The following MAP4K1 variants were observed in gnomAD, a reference collection of about 807,000 sequenced individuals.
MAP4K1 encodes the protein mitogen-activated protein kinase kinase kinase kinase 1, also known as MAPK/ERK kinase kinase kinase 1.
A neutral mutation model predicts 122.8 loss-of-function variants in MAP4K1; 35 were observed. The ratio of observed to expected loss-of-function variants is 0.29; its 90% CI spans 0.22 to 0.38. The LOEUF (loss-of-function observed/expected upper bound fraction) is 0.38. Ranked by LOEUF, MAP4K1 falls within the 10% of genes least tolerant of loss-of-function variation. The pLI is 1.00. For missense variants in MAP4K1, 791 were observed against 1,072.6 expected, an observed-to-expected ratio of 0.74 and a Z score of 3.67; for synonymous variants, 412 against 421.3, an observed-to-expected ratio of 0.98 and a Z score of 0.27.
intron 13 of MAP4K1, 52 bp from the exon 14 acceptor site, chr19:38,608,222 C>G (rs769700375): frequency 2.4e-6 from 2 of 850,918 alleles, no homozygotes. Context: ...CAAGGGGTAA[C>G]GAGATGGGTT....
intron 26 of MAP4K1, 71 bp from the exon 27 acceptor site, chr19:38,596,072 CA>C: frequency 6.6e-7 from 1 of 1,504,292 alleles, no homozygotes; most frequent in Non-Finnish European, 9.2e-7. Flanking sequence ...CCCAGAAGGC[CA>C]GTACCTGTGC....
chr19:38,602,876 A>C (rs957642631), intron 19 of MAP4K1, among the ~76,000 whole-genome samples: 1 of 149,256 alleles, frequency 6.7e-6, no homozygotes, highest in African/African-American at 2.4e-5. Flanking sequence ...ACATGTACAT[A>C]TATACTTATA....
Position 38,605,473 on chromosome 19 carries a change from G to C in MAP4K1, c.1382C>G (p.Pro461Arg). The C allele has an allele frequency of 6.3e-7, 1 of 1,593,704 alleles. No individual in the cohort carries two copies. Among genetic ancestry groups the C allele is most frequent in the Non-Finnish European group, 8.5e-7 (1 of 1,171,928 alleles). ...GGGCTTGTCAAGCTCCCGGGAGGGTGGGTTCCAGAGTGAGGGTTCTGAGAG... is the reference window on the plus strand; with the variant it reads ...GGGCTTGTCAAGCTCCCGGGAGGGTCGGTTCCAGAGTGAGGGTTCTGAGAG... ...TAHSEPSLWNPPSRELDKPPL... is the reference protein window; with the variant it reads ...TAHSEPSLWNRPSRELDKPPL... The change falls in exon 19 of 31, where the codon CCA becomes CGA. Residue 461 changes from proline (P) to arginine (R), a missense_variant. Pro to Arg is a moderately radical substitution (Grantham distance 103, BLOSUM62 -2). Coordinates refer to ENST00000396857, the MANE Select transcript of MAP4K1 (RefSeq NM_001042600.3).
chr19:38,591,083 G>A (rs888726512), intron 30 of MAP4K1, among the ~76,000 whole-genome samples: 5 of 152,028 alleles, frequency 3.3e-5, no homozygotes, highest in South Asian at 2.1e-4. Flanking sequence ...CCAGCTACTC[G>A]GGAGGCTGAG....
chr19:38,602,958 A>G (rs1230776293), intron 19 of MAP4K1, among the ~76,000 whole-genome samples: 1 of 100,258 alleles, frequency 1.0e-5, no homozygotes, highest in Non-Finnish European at 1.9e-5. Context: ...ATATACACAC[A>G]TATACACATG....
intron 19 of MAP4K1, among the ~76,000 whole-genome samples, chr19:38,603,215 T>C (rs1436845616): frequency 1.3e-5 from 2 of 148,606 alleles, no homozygotes; most frequent in South Asian, 4.3e-4. Context: ...CATACATATA[T>C]ACACATATAC....
intron 11 of MAP4K1, among the ~76,000 whole-genome samples, chr19:38,610,690 G>A (rs890975064): frequency 6.6e-6 from 1 of 151,896 alleles, no homozygotes; most frequent in African/African-American, 2.4e-5. Flanking sequence ...CCAGCCGACC[G>A]GTGGGAGTCT....
At position 38,590,373 on chromosome 19, in the gene MAP4K1, G is replaced by GAAAA. The variant is rs1164261721; in HGVS notation, c.2397-2560_2397-2557dup. ...AAGTGCCACCTATGATCTTGGACCAGAAAAAAAAAAAAAAAAAAAAAATAT... is the reference window on the plus strand; with the variant it reads ...AAGTGCCACCTATGATCTTGGACCAGAAAAAAAAAAAAAAAAAAAAAAAAAATAT... On this transcript the variant is annotated intron_variant, in intron 30 of 30. Transcript: ENST00000396857. 5.0e-4 allele frequency among the ~76,000 whole-genome samples: 9 copies of GAAAA among 18,020 alleles called. 1 individual carries two copies. The highest frequency in any genetic ancestry group is 1.8e-3 in the African/African-American group (8 of 4,414). The allele number at this position is 18,020 out of a possible 152,430, so 11.8% of individuals were successfully genotyped here.
chr19:38,588,478 G>A (rs1045943551), intron 30 of MAP4K1, among the ~76,000 whole-genome samples: 1 of 151,992 alleles, frequency 6.6e-6, no homozygotes, highest in African/African-American at 2.4e-5. Context: ...ATCACTTGAG[G>A]TCAGGAGTTC....
rs1209685875 is a variant in MAP4K1, at chr19:38,595,692, G to T, written c.2217C>A (p.Val739=). The change falls in exon 28 of 31, where the codon GTC becomes GTA. Residue 739 remains valine, a synonymous_variant. Transcript: ENST00000396857. ...VKLVTPEGSP[V]RGLRTPEIPM... ...GGATCTCAGGTGTGCGAAGTCCCCG[G>T]ACTGGGGACCCCTCCGGGGTCACCA... The T allele has an allele frequency of 6.2e-7, 1 of 1,612,394 alleles. No homozygotes were observed. The highest frequency in any genetic ancestry group is 1.1e-5 in the South Asian group (1 of 90,926).
chr19:38,606,892 G>A (rs753240691), intron 16 of MAP4K1, among the ~76,000 whole-genome samples: 3 of 152,166 alleles, frequency 2.0e-5, no homozygotes, highest in Admixed American at 6.5e-5. Context: ...GTGAGTGCGC[G>A]CACCTGGATG....
intron 16 of MAP4K1, among the ~76,000 whole-genome samples, chr19:38,607,559 CAA>C (rs759008757): frequency 6.0e-4 from 33 of 55,054 alleles, no homozygotes; most frequent in East Asian, 1.3e-3. Flanking sequence ...GACTCCATCT[CAA>C]AAAAAAAAAA....
intron 30 of MAP4K1, among the ~76,000 whole-genome samples, chr19:38,591,475 G>C (rs1974724472): frequency 6.9e-6 from 1 of 144,860 alleles, no homozygotes; most frequent in Non-Finnish European, 1.5e-5. Context: ...AGGTTGCAGT[G>C]AGTGGAGATC....
At position 38,597,725 on chromosome 19, in the gene MAP4K1, G is replaced by A. The variant is rs1203911273; in HGVS notation, c.1670-131C>T. 12 of 620,738 alleles carry A rather than the reference G, an allele frequency of 1.9e-5. No individual in the cohort carries two copies. The highest frequency in any genetic ancestry group is 2.8e-5 in the Non-Finnish European group (10 of 355,728). 38.5% of individuals were successfully genotyped at this position (620,738 alleles called of 1,614,324 possible). ...CCAAGCCTGCAAGTCTCAAGTACTTGTCATTCATTCATTCATTTCTCACTC... is the reference window on the plus strand; with the variant it reads ...CCAAGCCTGCAAGTCTCAAGTACTTATCATTCATTCATTCATTTCTCACTC... On this transcript the variant is annotated intron_variant, in intron 22 of 30. Transcript: ENST00000396857. The surrounding 1 kb of genome is among the most constrained non-coding windows in gnomAD (Gnocchi z 4.6).
At chr19:38,601,706 AGTTT>A (rs774095583) in intron 19 of MAP4K1, 181 bp from the exon 20 acceptor site, 7 of 557,600 alleles carry the variant, frequency 1.3e-5, no homozygotes, top group Admixed American at 1.1e-4. Flanking sequence ...TTTTCTTTTC[AGTTT>A]GTTTTTGTTT....
rs1568624452 is a variant in MAP4K1 at position 38,596,504 on chromosome 19, A to T, written c.1942-18T>A. 2.0e-6 allele frequency: 3 copies of T among 1,523,684 alleles called. No homozygotes were observed. The highest frequency in any genetic ancestry group is 2.4e-5 in the South Asian group (2 of 82,368). The allele number at this position is 1,523,684 out of a possible 1,614,324, so 94.4% of individuals were successfully genotyped here. ...AGCACCTGCTGCGGGCCGCACAGGG[A>T]GGGGCGGGCTAGGGGGTGGTTCAGG... On this transcript the variant is annotated intron_variant, in intron 25 of 30. Transcript: ENST00000396857.
At position 38,605,678 on chromosome 19, in the gene MAP4K1, C is replaced by T. The variant is rs1224105105; in HGVS notation, c.1253G>A (p.Gly418Glu). ...DEGPGSMGDD[G>E]QLSPGVLVRC... ...GACCAGCACCCCCGGGCTCAGCTGC[C>T]CATCATCCCCCATGCTCCCAGGACC... Residue 418 changes from glycine (G) to glutamate (E), a missense_variant, in exon 18 of 31, where the codon GGG becomes GAG. This residue lies in a region of MAP4K1 where 303 missense variants were observed against 344.8 expected (regional missense o/e 0.88). Coordinates refer to ENST00000396857, the MANE Select transcript of MAP4K1 (RefSeq NM_001042600.3). 2 of 1,606,610 alleles carry T rather than the reference C, an allele frequency of 1.2e-6. No homozygotes were observed. The highest frequency in any genetic ancestry group is 1.7e-6 in the Non-Finnish European group (2 of 1,178,384).
In MAP4K1 at chr19:38,597,655, T is replaced by C; in HGVS notation, c.1670-61A>G. The C allele has an allele frequency of 8.8e-7, 1 of 1,131,266 alleles. No individual in the cohort carries two copies. Among genetic ancestry groups the C allele is most frequent in the Non-Finnish European group, 1.3e-6 (1 of 784,282 alleles). The allele number at this position is 1,131,266 out of a possible 1,614,324, so 70.1% of individuals were successfully genotyped here. A position where few individuals can be genotyped will look rare whatever the true frequency, so the allele number is the denominator to read the frequency against. ...TTATAGGATCCCATATACCACTTCC[T>C]TTCCTCCATCCCTTCCCTCAGCCCC... On this transcript the variant is annotated intron_variant, in intron 22 of 30. Transcript: ENST00000396857. This position sits in a 1 kb window ranked among gnomAD's most constrained non-coding sequence, Gnocchi z 4.6.
Position 38,617,735 on chromosome 19 carries a change from G to T in MAP4K1, c.99+62C>A. ...GACCCCCTCTTGCAGCCTCCTCCCT[G>T]CCGAGGGCTTGCCTTAAAGGTCACT... On this transcript the variant is annotated intron_variant, in intron 1 of 30. Coordinates refer to ENST00000396857, the MANE Select transcript of MAP4K1 (RefSeq NM_001042600.3). This position sits in a 1 kb window ranked among gnomAD's most constrained non-coding sequence, Gnocchi z 4.1. The T allele has an allele frequency of 6.2e-7, 1 of 1,604,098 alleles. No individual in the cohort carries two copies. The highest frequency in any genetic ancestry group is 8.5e-7 in the Non-Finnish European group (1 of 1,170,922).
Sources: gnomAD v4.1 joint callset for allele counts (sites outside exome capture counted in the v4.1 genomes callset) on GRCh38, gnomAD v4.1.1 for gene constraint, gnomAD v4.1.1 regional missense constraint, Gnocchi (gnomAD v3.1) non-coding constraint, MANE v1.5 for transcripts, NCBI Gene and HGNC (gene_info 2026-07-23, HGNC 2026-07-21) for gene names.